The following NLGN1 variants were observed in gnomAD, a reference collection of about 807,000 sequenced individuals.
The protein encoded by NLGN1 is neuroligin 1.
In NLGN1, 12 loss-of-function variants were observed where a neutral mutation model predicts 65.5. The ratio of observed to expected loss-of-function variants is 0.18; its 90% confidence interval spans 0.12 to 0.30. NLGN1 has a LOEUF of 0.30. Among genes scored for constraint, NLGN1 ranks in the 10% least tolerant of loss-of-function variants. NLGN1 has a pLI of 1.00. For synonymous variants in NLGN1, 350 were observed against 359.5 expected (o/e 0.97, Z 0.30); for missense variants, 750 against 1,007.1 (o/e 0.74, Z 3.46).
chr3:174,281,375 A>G, exon 7 of NLGN1: 1 of 929,114 alleles, frequency 1.1e-6, no homozygotes, highest in Non-Finnish European at 1.7e-6. Flanking sequence ...CTTGGCTTTC[A>G]ACCTACAAGA....
intron 4 of NLGN1, among the ~76,000 whole-genome samples, chr3:174,142,303 T>C (rs1253828549): frequency 6.6e-6 from 1 of 152,096 alleles, no homozygotes; most frequent in African/African-American, 2.4e-5. Context: ...TTCATCAGAG[T>C]GTATTTATCC....
At chr3:173,488,096 T>C (rs1291761022) in intron 2 of NLGN1, among the ~76,000 whole-genome samples, 2 of 152,146 alleles carry the variant, frequency 1.3e-5, no homozygotes, top group African/African-American at 4.8e-5. Context: ...ACATTTTATT[T>C]CTACTTTTTA....
intron 3 of NLGN1, among the ~76,000 whole-genome samples, chr3:173,616,721 C>T (rs1276637874): frequency 6.6e-6 from 1 of 152,106 alleles, no homozygotes; most frequent in African/African-American, 2.4e-5. Flanking sequence ...CGAGAGCCTC[C>T]ATCATTTCTT....
chr3:174,245,546 A>G (rs1743636085), intron 4 of NLGN1, among the ~76,000 whole-genome samples: 1 of 152,142 alleles, frequency 6.6e-6, no homozygotes, highest in African/African-American at 2.4e-5. Context: ...TTCACCTGGA[A>G]TTAAAAACCA....
chr3:173,407,041 C>T (rs946248591), intron 1 of NLGN1, among the ~76,000 whole-genome samples: 3 of 151,918 alleles, frequency 2.0e-5, no homozygotes, highest in Admixed American at 2.0e-4. Flanking sequence ...TATTTTAATC[C>T]TCTAGTTGTG....
Position 173,981,423 on chromosome 3 carries a change from A to T in NLGN1, c.646+173591A>T, listed in dbSNP as rs145050743. ...GAATATTGACCAAATAAATTTCCGT[A>T]TGAAGTTGGTTTAGCTGGAAGTGCT... On this transcript the variant is annotated intron_variant, in intron 4 of 6. Transcript: ENST00000457714. Among the ~76,000 whole-genome samples, 524 of 152,296 alleles carry T rather than the reference A, an allele frequency of 3.4e-3. 10 individuals carry two copies. The South Asian group carries it at 0.039, about 11-fold the overall frequency.
intron 3 of NLGN1, among the ~76,000 whole-genome samples, chr3:173,625,638 T>C (rs1473001756): frequency 6.6e-6 from 1 of 152,168 alleles, no homozygotes; most frequent in South Asian, 2.1e-4. Context: ...GTACTAGTTA[T>C]AGATTAATAA....
rs781297492 is a variant in NLGN1, at chr3:173,605,524, C to A, written c.493+433C>A. The A allele has an allele frequency of 9.8e-5, 125 of 1,278,210 alleles. No homozygotes were observed. In the African/African-American group the frequency reaches 1.8e-3, roughly 18 times the overall value. 79.2% of individuals were successfully genotyped at this position (1,278,210 alleles called of 1,614,324 possible). On this transcript the variant is annotated intron_variant, in intron 3 of 6. Coordinates refer to ENST00000457714, the Ensembl canonical transcript of NLGN1. ...CCATGTTATTTTCTAGTCTTCTATTCATTTTTCAGTAAAAAGAATATCCAA... is the reference window on the plus strand; with the variant it reads ...CCATGTTATTTTCTAGTCTTCTATTAATTTTTCAGTAAAAAGAATATCCAA...
chr3:174,086,288 T>C (rs994735811), intron 4 of NLGN1, among the ~76,000 whole-genome samples: 4 of 70,752 alleles, frequency 5.7e-5, no homozygotes, highest in South Asian at 5.0e-4. Flanking sequence ...TGCATAAATA[T>C]ATATATATTT....
intron 4 of NLGN1, among the ~76,000 whole-genome samples, chr3:173,927,714 C>T (rs1030654716): frequency 6.6e-6 from 1 of 151,712 alleles, no homozygotes; most frequent in East Asian, 1.9e-4. Context: ...TCTCAACTGC[C>T]GCTCCAGAAA....
intron 3 of NLGN1, among the ~76,000 whole-genome samples, chr3:173,803,328 A>T (rs1482810470): frequency 6.6e-6 from 1 of 152,150 alleles, no homozygotes; most frequent in Admixed American, 6.5e-5. Context: ...TAACATTTCA[A>T]TATTTACCCT....
At chr3:173,798,873 C>T (rs985896798) in intron 3 of NLGN1, among the ~76,000 whole-genome samples, 4 of 151,974 alleles carry the variant, frequency 2.6e-5, no homozygotes, top group Admixed American at 2.6e-4. Flanking sequence ...GCTGATGAAA[C>T]ATAACTGTAT....
At chr3:174,022,356 G>A (rs1175411472) in intron 4 of NLGN1, among the ~76,000 whole-genome samples, 1 of 152,038 alleles carries the variant, frequency 6.6e-6, no homozygotes, top group Non-Finnish European at 1.5e-5. Context: ...AATGCCTCTT[G>A]GTAATGAAGT....
At chr3:173,779,348 T>A (rs1174734910) in intron 3 of NLGN1, among the ~76,000 whole-genome samples, 3 of 152,068 alleles carry the variant, frequency 2.0e-5, no homozygotes, top group Admixed American at 1.3e-4. Context: ...ACATTTTGAA[T>A]ATCAATTATT....
At chr3:173,967,988 T>C (rs1160530259) in intron 4 of NLGN1, among the ~76,000 whole-genome samples, 10 of 152,208 alleles carry the variant, frequency 6.6e-5, no homozygotes, top group Non-Finnish European at 1.2e-4. Flanking sequence ...TGATGGTAGC[T>C]GACGCGTGTT....
At chr3:174,257,387 C>A (rs1423642825) in intron 4 of NLGN1, among the ~76,000 whole-genome samples, 2 of 152,106 alleles carry the variant, frequency 1.3e-5, no homozygotes, top group East Asian at 3.9e-4. Flanking sequence ...ACCATGTGAC[C>A]CAACAATCCC....
intron 3 of NLGN1, among the ~76,000 whole-genome samples, chr3:173,766,671 G>A (rs975737074): frequency 2.6e-5 from 4 of 152,080 alleles, no homozygotes; most frequent in Admixed American, 1.3e-4. Flanking sequence ...CAGGACCTCC[G>A]CATTGAATTA....
intron 3 of NLGN1, among the ~76,000 whole-genome samples, chr3:173,694,695 T>C (rs908150482): frequency 2.0e-5 from 3 of 152,240 alleles, no homozygotes; most frequent in Non-Finnish European, 4.4e-5. Context: ...GCCTTCATTG[T>C]AAATTGAAAT....
Position 173,456,794 on chromosome 3 carries a change from GA to G in NLGN1, c.-321+21721del, listed in dbSNP as rs569832098. On this transcript the variant is annotated intron_variant, in intron 2 of 6. Transcript: ENST00000457714. The stretch of plus-strand genomic sequence containing the variant: ...AGAGCTTGGTGGGAGCAGTAGCTGT[GA>G]AAAAGAATCACTGGTGTCCTTTGGA... Among the ~76,000 whole-genome samples the G allele has an allele frequency of 1.4e-4, 22 of 152,168 alleles. No homozygotes were observed. The East Asian group carries it at 3.9e-3, about 27-fold the overall frequency.
Sources: allele counts gnomAD v4.1 joint callset (sites outside exome capture counted in the v4.1 genomes callset), GRCh38; gene constraint gnomAD v4.1.1; transcripts MANE v1.5; gene names NCBI Gene and HGNC (gene_info 2026-07-23, HGNC 2026-07-21).